Variants in DDHD1 observed in about 807,000 individuals in gnomAD.
DDHD1 encodes DDHD domain containing 1, also known as phospholipase DDHD1.
In DDHD1, 49 loss-of-function variants were observed where a neutral mutation model predicts 96.4. The ratio of observed to expected loss-of-function variants is 0.51; its 90% CI spans 0.40 to 0.64. The LOEUF (loss-of-function observed/expected upper bound fraction) is 0.64, where lower values mean the gene tolerates loss of function less well. Ranked by LOEUF, DDHD1 falls within the 30% of genes least tolerant of loss-of-function variation. DDHD1 has a pLI of 0.00. For synonymous variants in DDHD1, 442 were observed against 446.5 expected (o/e 0.99, Z 0.13); for missense variants, 1,106 against 1,161.2 (o/e 0.95, Z 0.69).
At chr14:53,117,474 G>A (rs747344134) in intron 1 of DDHD1, among the ~76,000 whole-genome samples, 2 of 152,214 alleles carry the variant, frequency 1.3e-5, no homozygotes, top group Non-Finnish European at 2.9e-5. Flanking sequence ...CTTAGCAACC[G>A]GCAGACCAGG....
At chr14:53,087,077 T>A (rs967432970) in intron 4 of DDHD1, among the ~76,000 whole-genome samples, 1 of 147,166 alleles carries the variant, frequency 6.8e-6, no homozygotes, top group Non-Finnish European at 1.5e-5. Context: ...CGTTACATAA[T>A]GGTAAAGGGA....
chr14:53,091,870 G>A lies in DDHD1; in HGVS notation c.1204C>T (p.Pro402Ser). ...YVEEATLEDK[P>S]SQTTHIVFVV... ...AATACAATATGGGTAGTCTGTGATG[G>A]CTTGTCTTCTAATGTGGCTTCTTCT... is the stretch of plus-strand genomic sequence containing the variant. The change falls in exon 4 of 13, where the codon CCA becomes TCA. Residue 402 changes from proline to serine, a missense_variant. Physicochemically the swap from Pro to Ser is moderately conservative, Grantham distance 74. Transcript: ENST00000673822. 1 of 1,613,590 alleles carries A rather than the reference G, an allele frequency of 6.2e-7. No homozygotes were observed. Among genetic ancestry groups the A allele is most frequent in the Non-Finnish European group, 8.5e-7 (1 of 1,179,662 alleles).
intron 8 of DDHD1, 89 bp from the exon 9 acceptor site, chr14:53,058,715 A>G: frequency 8.9e-7 from 1 of 1,129,562 alleles, no homozygotes; most frequent in Non-Finnish European, 1.2e-6. Flanking sequence ...ATGGCAAAAT[A>G]CAAATAATAA....
chr14:53,135,587 C>T (rs962447653), intron 1 of DDHD1, among the ~76,000 whole-genome samples: 4 of 152,192 alleles, frequency 2.6e-5, no homozygotes, highest in East Asian at 1.9e-4. Flanking sequence ...GTGTGGCAGC[C>T]GCATGATCTG....
intron 6 of DDHD1, among the ~76,000 whole-genome samples, chr14:53,069,378 T>C (rs1884321236): frequency 6.6e-6 from 1 of 152,230 alleles, no homozygotes; most frequent in South Asian, 2.1e-4. Flanking sequence ...ACACTGCATT[T>C]ACAAATTGAA....
intron 4 of DDHD1, among the ~76,000 whole-genome samples, chr14:53,074,598 T>C (rs1884793370): frequency 6.6e-6 from 1 of 151,814 alleles, no homozygotes; most frequent in South Asian, 2.1e-4. Context: ...TATAAAATAT[T>C]ATTTTAAATT....
chr14:53,143,341 T>A (rs1238970865), intron 1 of DDHD1, among the ~76,000 whole-genome samples: 1 of 152,182 alleles, frequency 6.6e-6, no homozygotes, highest in Non-Finnish European at 1.5e-5. Flanking sequence ...CTGTAAACCA[T>A]GTTTGTTAGA....
At chr14:53,140,218 T>C (rs1414576039) in intron 1 of DDHD1, among the ~76,000 whole-genome samples, 1 of 152,120 alleles carries the variant, frequency 6.6e-6, no homozygotes, top group African/African-American at 2.4e-5. Flanking sequence ...TGATCTAACA[T>C]ACATACGTAA....
chr14:53,091,301 T>TG (rs1249294433), intron 4 of DDHD1, among the ~76,000 whole-genome samples: 1 of 152,294 alleles, frequency 6.6e-6, no homozygotes, highest in African/African-American at 2.4e-5. Context: ...GTAAATAACC[T>TG]GTCTGGTGTG....
rs142631275 is a variant in DDHD1 at position 53,090,618 on chromosome 14, G to C, written c.1289+1167C>G. ...AAACCATCATTCTCAGCAAACTATC[G>C]CAAGGACAGAAAACCAAACACCGTA... On this transcript the variant is annotated intron_variant, in intron 4 of 12. Coordinates refer to ENST00000673822, the MANE Select transcript of DDHD1 (RefSeq NM_001160148.2). 4.5e-3 allele frequency among the ~76,000 whole-genome samples: 680 copies of C among 152,194 alleles called. 3 individuals are homozygous for C. Among genetic ancestry groups the C allele is most frequent in the African/African-American group, 0.014 (599 of 41,530 alleles).
chr14:53,062,983 C>T lies in DDHD1; in HGVS notation c.1726G>A (p.Glu576Lys). 3.1e-6 allele frequency: 5 copies of T among 1,609,794 alleles called. No individual in the cohort carries two copies. Among genetic ancestry groups the T allele is most frequent in the Admixed American group, 1.7e-5 (1 of 59,928 alleles). ...LPDERWMSYE[E>K]RHLLDELYIT... Reference sequence around the variant, plus strand: ...TAGAGTTCATCAAGAAGATGTCGTTCTTCATAGCTCATCCATCGTTCATCA... The same window carrying T: ...TAGAGTTCATCAAGAAGATGTCGTTTTTCATAGCTCATCCATCGTTCATCA... The change falls in exon 7 of 13, where the codon GAA becomes AAA. Residue 576 changes from glutamate (E) to lysine (K), a missense_variant. By Grantham distance (56) the Glu-to-Lys change is moderately conservative (BLOSUM62 1). Coordinates refer to ENST00000673822, the MANE Select transcript of DDHD1 (RefSeq NM_001160148.2).
rs1456862942 is a variant in DDHD1, at chr14:53,152,542, T to C, written c.557A>G (p.Asp186Gly). Residue 186 changes from aspartate (D) to glycine (G), a missense_variant, in exon 1 of 13, where the codon GAC (aspartate) becomes GGC (glycine). Coordinates refer to ENST00000673822, the MANE Select transcript of DDHD1 (RefSeq NM_001160148.2). The part of the protein sequence containing the change: ...KKTWKPFIGY[D>G]SLRIELAFRT... ...GAAGGCGAGCTCGATGCGGAGCGAG[T>C]CGTAGCCGATGAAGGGCTTCCAGGT... The C allele has an allele frequency of 1.2e-6, 2 of 1,612,912 alleles. No homozygotes were observed. The highest frequency in any genetic ancestry group is 1.7e-6 in the Non-Finnish European group (2 of 1,179,830).
chr14:53,105,703 A>G (rs1168251436), intron 1 of DDHD1, among the ~76,000 whole-genome samples: 9 of 152,182 alleles, frequency 5.9e-5, no homozygotes, highest in Non-Finnish European at 5.9e-5. Flanking sequence ...TGTAAGGCAT[A>G]GAATTGGGTT....
chr14:53,078,138 T>TA (rs1182027166), intron 4 of DDHD1, among the ~76,000 whole-genome samples: 10 of 152,194 alleles, frequency 6.6e-5, no homozygotes, highest in Non-Finnish European at 1.5e-4. Context: ...CTCTTGGGTA[T>TA]ACACATAAGC....
At chr14:53,103,225 A>C (rs1388422357) in intron 2 of DDHD1, 2 of 516,890 alleles carry the variant, frequency 3.9e-6, no homozygotes, top group Non-Finnish European at 6.4e-6. Flanking sequence ...GATTGTTTCA[A>C]ATTAAAACTT....
In DDHD1 at chr14:53,152,627, C is replaced by T. The variant is rs1349590589; in HGVS notation, c.472G>A (p.Glu158Lys). The change falls in exon 1 of 13, where the codon GAG becomes AAG. Residue 158 changes from glutamate to lysine, a missense_variant. By Grantham distance (56) the Glu-to-Lys change is moderately conservative (BLOSUM62 1). This residue lies in a region of DDHD1 where 456 missense variants were observed against 402.4 expected (regional missense o/e 1.13). Coordinates refer to ENST00000673822, the MANE Select transcript of DDHD1 (RefSeq NM_001160148.2). The part of the protein sequence containing the change: ...LGGPAARHRY[E>K]VVTELGPEEV... ...TCCGGGCCCAGCTCCGTCACTACCT[C>T]ATAGCGGTGCCGGGCCGCCGGGCCG... The T allele has an allele frequency of 5.0e-6, 8 of 1,613,344 alleles. No individual in the cohort carries two copies. The highest frequency in any genetic ancestry group is 5.9e-6 in the Non-Finnish European group (7 of 1,179,936).
chr14:53,102,808 A>T (rs1887405360), intron 2 of DDHD1, among the ~76,000 whole-genome samples: 1 of 152,052 alleles, frequency 6.6e-6, no homozygotes, highest in East Asian at 1.9e-4. Context: ...CGTTTTTTTC[A>T]AGCTTCATTC....
At chr14:53,149,667 G>T (rs894843617) in intron 1 of DDHD1, 1 of 152,278 alleles carries the variant, frequency 6.6e-6, no homozygotes, top group Admixed American at 6.5e-5. Context: ...GAACTATTTA[G>T]AAAATGCTAA....
At position 53,086,557 on chromosome 14, in the gene DDHD1, T is replaced by G. The variant is rs1273984504; in HGVS notation, c.1289+5228A>C. ...ATCTCATATCCAGCCAAACCAAGCT[T>G]CATAAGTGAAGGAGAAAAAAATCTT... On this transcript the variant is annotated intron_variant, in intron 4 of 12. Transcript: ENST00000673822. Among the ~76,000 whole-genome samples the G allele has an allele frequency of 3.6e-4, 26 of 72,446 alleles. No homozygotes were observed. In the Admixed American group the frequency reaches 4.6e-3, roughly 13 times the overall value. The allele number at this position is 72,446 out of a possible 152,430, so 47.5% of individuals were successfully genotyped here.
Sources: gnomAD v4.1 joint callset for allele counts (sites outside exome capture counted in the v4.1 genomes callset) on GRCh38, gnomAD v4.1.1 for gene constraint, gnomAD v4.1.1 regional missense constraint, MANE v1.5 for transcripts, NCBI Gene and HGNC (gene_info 2026-07-23, HGNC 2026-07-21) for gene names.